Variants in ZNF521 observed in about 807,000 individuals in gnomAD.
The protein encoded by ZNF521 is zinc finger protein 521.
A neutral mutation model predicts 105.5 loss-of-function variants in ZNF521; 14 were observed. The observed-to-expected ratio is 0.13, with a 90% CI of 0.09 to 0.21. The LOEUF (loss-of-function observed/expected upper bound fraction) is 0.21, where lower values mean the gene tolerates loss of function less well. Among genes scored for constraint, ZNF521 ranks in the 10% least tolerant of loss-of-function variants. The pLI, the probability that ZNF521 is intolerant of heterozygous loss-of-function variation, is 1.00. For missense variants in ZNF521, 1,233 were observed against 1,629.7 expected (o/e 0.76, Z 4.19); for synonymous variants, 635 against 606.0 (o/e 1.05, Z -0.70).
At chr18:25,163,324 T>C (rs938111148) in intron 5 of ZNF521, among the ~76,000 whole-genome samples, 9 of 152,232 alleles carry the variant, frequency 5.9e-5, no homozygotes, top group African/African-American at 2.2e-4. Context: ...GTCTTCTTCC[T>C]ATTCATAATA....
At chr18:25,186,213 T>G (rs933914959) in intron 5 of ZNF521, among the ~76,000 whole-genome samples, 19 of 152,344 alleles carry the variant, frequency 1.2e-4, no homozygotes, top group Admixed American at 1.2e-3. Flanking sequence ...ATTCTTGCTC[T>G]ATGCTTCTCA....
intron 4 of ZNF521, among the ~76,000 whole-genome samples, chr18:25,217,880 T>C (rs1443880649): frequency 1.3e-5 from 2 of 152,206 alleles, no homozygotes; most frequent in African/African-American, 4.8e-5. Context: ...GTCAGGCTCA[T>C]AGACGGCCTT....
intron 2 of ZNF521, among the ~76,000 whole-genome samples, chr18:25,342,283 C>T (rs902887605): frequency 2.6e-5 from 4 of 152,188 alleles, no homozygotes; most frequent in Non-Finnish European, 4.4e-5. Context: ...CCCAAACCCC[C>T]CTATGTATAG....
intron 3 of ZNF521, among the ~76,000 whole-genome samples, chr18:25,260,471 AC>A (rs1185647146): frequency 6.6e-6 from 1 of 152,136 alleles, no homozygotes; most frequent in East Asian, 1.9e-4. Context: ...AAGTTACTTA[AC>A]CTTTTCTTCA....
At chr18:25,350,056 G>T (rs1318320415) in intron 2 of ZNF521, among the ~76,000 whole-genome samples, 4 of 151,914 alleles carry the variant, frequency 2.6e-5, no homozygotes, top group African/African-American at 9.7e-5. Context: ...GGAGGAGGCC[G>T]CCACGTGACT....
chr18:25,253,792 A>G (rs1454706199), intron 3 of ZNF521, among the ~76,000 whole-genome samples: 4 of 152,174 alleles, frequency 2.6e-5, no homozygotes, highest in Admixed American at 2.6e-4. Flanking sequence ...TAAATTGGAA[A>G]TCAGTATTAA....
intron 5 of ZNF521, among the ~76,000 whole-genome samples, chr18:25,161,677 A>G (rs372644222): frequency 1.2e-4 from 19 of 152,324 alleles, no homozygotes; most frequent in African/African-American, 4.3e-4. Flanking sequence ...GGAAGACTGC[A>G]TGTACATCAC....
intron 2 of ZNF521, among the ~76,000 whole-genome samples, chr18:25,350,395 C>T (rs1012446512): frequency 6.6e-6 from 1 of 151,766 alleles, no homozygotes; most frequent in African/African-American, 2.4e-5. Context: ...CGCGGGCGGG[C>T]GGGAGGCGGC....
chr18:25,076,292 G>GC (rs2033360042), intron 7 of ZNF521, among the ~76,000 whole-genome samples: 1 of 152,196 alleles, frequency 6.6e-6, no homozygotes, highest in East Asian at 1.9e-4. Flanking sequence ...TATCCCAGTT[G>GC]TTTTTCAGAA....
At chr18:25,249,899 A>G (rs1313251514) in intron 3 of ZNF521, among the ~76,000 whole-genome samples, 2 of 152,212 alleles carry the variant, frequency 1.3e-5, no homozygotes, top group African/African-American at 4.8e-5. Flanking sequence ...ATATTTTAAC[A>G]TTACATAAAT....
At chr18:25,090,668 T>C (rs1484670198) in intron 6 of ZNF521, among the ~76,000 whole-genome samples, 2 of 152,336 alleles carry the variant, frequency 1.3e-5, no homozygotes, top group East Asian at 1.9e-4. Flanking sequence ...GGTTTTTACA[T>C]AGATTTGCAG....
At chr18:25,277,253 T>C (rs572245981) in intron 3 of ZNF521, among the ~76,000 whole-genome samples, 4 of 152,240 alleles carry the variant, frequency 2.6e-5, no homozygotes, top group East Asian at 1.9e-4. Context: ...TATATATTTA[T>C]TAAGAGCAAA....
intron 5 of ZNF521, among the ~76,000 whole-genome samples, chr18:25,164,479 G>T (rs2035302911): frequency 6.6e-6 from 1 of 152,194 alleles, no homozygotes; most frequent in Non-Finnish European, 1.5e-5. Flanking sequence ...CATGCATTTT[G>T]ACCACATTTT....
intron 3 of ZNF521, among the ~76,000 whole-genome samples, chr18:25,316,133 A>G (rs1035610442): frequency 2.0e-5 from 3 of 152,034 alleles, no homozygotes; most frequent in Admixed American, 1.3e-4. Flanking sequence ...CAAGATTAAT[A>G]GAAGGGAATC....
At chr18:25,274,534 T>C (rs1362024284) in intron 3 of ZNF521, among the ~76,000 whole-genome samples, 1 of 152,128 alleles carries the variant, frequency 6.6e-6, no homozygotes, top group African/African-American at 2.4e-5. Context: ...GACAAATATT[T>C]CCAAAGATTA....
At chr18:25,158,209 G>A (rs1385384119) in intron 5 of ZNF521, among the ~76,000 whole-genome samples, 1 of 151,974 alleles carries the variant, frequency 6.6e-6, no homozygotes, top group Non-Finnish European at 1.5e-5. Flanking sequence ...TTTTGAGGAG[G>A]AAAAGCAGAA....
At chr18:25,343,389 A>C (rs1019362478) in intron 2 of ZNF521, among the ~76,000 whole-genome samples, 1 of 152,232 alleles carries the variant, frequency 6.6e-6, no homozygotes, top group African/African-American at 2.4e-5. Flanking sequence ...CTTACTAAAC[A>C]AAGTGCATTT....
At chr18:25,260,726 T>C (rs886695870) in intron 3 of ZNF521, among the ~76,000 whole-genome samples, 1 of 152,184 alleles carries the variant, frequency 6.6e-6, no homozygotes, top group African/African-American at 2.4e-5. Context: ...CGTATTCTTA[T>C]TGAACTCTGT....
At chr18:25,309,666 T>C (rs1336396928) in intron 3 of ZNF521, among the ~76,000 whole-genome samples, 1 of 152,080 alleles carries the variant, frequency 6.6e-6, no homozygotes, top group Non-Finnish European at 1.5e-5. Context: ...TAAAATTAGG[T>C]ATAAGAAATA....
Sources: gnomAD v4.1 joint callset for allele counts (sites outside exome capture counted in the v4.1 genomes callset) on GRCh38, gnomAD v4.1.1 for gene constraint, MANE v1.5 for transcripts, NCBI Gene and HGNC (gene_info 2026-07-23, HGNC 2026-07-21) for gene names.